LRRIQ3: variants seen among roughly 807,000 people sequenced by gnomAD.
LRRIQ3 encodes the protein leucine-rich repeat and IQ domain-containing protein 3.
LRRIQ3 carries 75 observed loss-of-function variants against 59.3 expected under a neutral mutation model. The observed-to-expected ratio is 1.26, with a 90% CI of 1.05 to 1.53. LRRIQ3 has a LOEUF of 1.53. LRRIQ3 is among the 40% of genes most tolerant of loss of function. LRRIQ3 has a pLI of 0.00. For synonymous variants in LRRIQ3, 250 were observed against 231.3 expected (o/e 1.08, Z -0.73); for missense variants, 831 against 710.0 (o/e 1.17, Z -1.94).
At chr1:74,122,403 C>T (rs977534151) in intron 4 of LRRIQ3, among the ~76,000 whole-genome samples, 2 of 151,960 alleles carry the variant, frequency 1.3e-5, no homozygotes, top group South Asian at 2.1e-4. Flanking sequence ...CTGTTCATAT[C>T]CTTCGCCCAC....
chr1:74,079,946 C>T (rs1431759035), intron 5 of LRRIQ3, among the ~76,000 whole-genome samples: 1 of 151,766 alleles, frequency 6.6e-6, no homozygotes, highest in Non-Finnish European at 1.5e-5. Flanking sequence ...TACTCCAAAG[C>T]TTCTCACTCA....
intron 3 of LRRIQ3, among the ~76,000 whole-genome samples, chr1:74,167,337 A>T (rs1649049671): frequency 6.6e-6 from 1 of 151,922 alleles, no homozygotes; most frequent in Non-Finnish European, 1.5e-5. Context: ...CCATTATTCT[A>T]AGTGAAGTAA....
intron 5 of LRRIQ3, among the ~76,000 whole-genome samples, chr1:74,098,032 C>A (rs1646472548): frequency 1.3e-5 from 2 of 152,142 alleles, no homozygotes; most frequent in African/African-American, 4.8e-5. Flanking sequence ...ATCATAATGA[C>A]AGGATCAAAT....
chr1:74,145,020 T>C lies in LRRIQ3; in HGVS notation c.707+10713A>G, dbSNP rs540402204. On this transcript the variant is annotated intron_variant, in intron 4 of 7. Coordinates refer to ENST00000354431, the MANE Select transcript of LRRIQ3 (RefSeq NM_001105659.2). ...AATCTTGCTTATTATGATAATATGATCTATGCATACAAAAATAGATTAATG... is the reference window on the plus strand; with the variant it reads ...AATCTTGCTTATTATGATAATATGACCTATGCATACAAAAATAGATTAATG... Among the ~76,000 whole-genome samples the C allele has an allele frequency of 3.3e-5, 5 of 152,196 alleles. No individual in the cohort carries two copies. In the East Asian group the frequency reaches 7.7e-4, roughly 23 times the overall value.
At chr1:74,192,901 C>A (rs563451134) in intron 1 of LRRIQ3, among the ~76,000 whole-genome samples, 1 of 152,226 alleles carries the variant, frequency 6.6e-6, no homozygotes, top group South Asian at 2.1e-4. Context: ...CCACATGCAG[C>A]ATTTCAATTT....
chr1:74,157,213 T>C (rs983996347), intron 3 of LRRIQ3, among the ~76,000 whole-genome samples: 1 of 152,144 alleles, frequency 6.6e-6, no homozygotes, highest in African/African-American at 2.4e-5. Context: ...TGCTTCTTTT[T>C]TCACAGAGAA....
chr1:74,155,157 G>T (rs1257137119), intron 4 of LRRIQ3, among the ~76,000 whole-genome samples: 4 of 152,084 alleles, frequency 2.6e-5, no homozygotes, highest in Non-Finnish European at 4.4e-5. Context: ...TTACCAATTA[G>T]AATAAGCTAT....
intron 3 of LRRIQ3, among the ~76,000 whole-genome samples, chr1:74,157,386 A>G (rs777203828): frequency 6.6e-6 from 1 of 152,082 alleles, no homozygotes; most frequent in African/African-American, 2.4e-5. Flanking sequence ...TGAGTCTCAT[A>G]TCTGTTTTCT....
Position 74,109,395 on chromosome 1 carries a change from T to A in LRRIQ3, c.866A>T (p.His289Leu). 6.6e-7 allele frequency: 1 copy of A among 1,505,228 alleles called. No homozygotes were observed. Among genetic ancestry groups the A allele is most frequent in the African/African-American group, 1.4e-5 (1 of 71,288 alleles). The allele number at this position is 1,505,228 out of a possible 1,614,324, so 93.2% of individuals were successfully genotyped here. The change falls in exon 5 of 8, where the codon CAT (histidine) becomes CTT (leucine). Residue 289 changes from histidine to leucine, a missense_variant and splice_region_variant. By Grantham distance (99) the His-to-Leu change is moderately conservative. Transcript: ENST00000354431. ...AAATAATAAACTAATTATACTTACA[T>A]GTTTCCAATATGCAAGCTTTCCTTT... ...NIKGKLAYWK[H>L]NIYYPVDLKN...
intron 1 of LRRIQ3, 79 bp from the exon 2 acceptor site, chr1:74,183,763 G>A (rs1650171695): frequency 2.4e-6 from 3 of 1,267,194 alleles, no homozygotes; most frequent in Non-Finnish European, 3.2e-6. Context: ...ATTTTGCCAA[G>A]AGATAGCGCA....
Position 74,155,779 on chromosome 1 carries a change from T to G in LRRIQ3, c.661A>C (p.Ile221Leu), listed in dbSNP as rs764338246. 1 of 1,584,248 alleles carries G rather than the reference T, an allele frequency of 6.3e-7. No homozygotes were observed. Among genetic ancestry groups the G allele is most frequent in the Non-Finnish European group, 8.6e-7 (1 of 1,169,180 alleles). ...AILAHNSPVL[I>L]VQRWIRGFLV... ...AAACCACGTATCCATCTTTGAACAA[T>G]CAAAACTGGTGAATTATGAGCCAGA... Residue 221 changes from isoleucine (I) to leucine (L), a missense_variant, in exon 4 of 8, where the codon ATT (isoleucine) becomes CTT (leucine). Transcript: ENST00000354431.
chr1:74,175,579 C>T (rs1354692270), intron 3 of LRRIQ3, among the ~76,000 whole-genome samples: 1 of 152,098 alleles, frequency 6.6e-6, no homozygotes, highest in Admixed American at 6.6e-5. Flanking sequence ...TAAAATTGTT[C>T]CTTTTATCCT....
intron 3 of LRRIQ3, chr1:74,181,135 G>A (rs567050551): frequency 3.1e-5 from 7 of 227,250 alleles, no homozygotes; most frequent in Admixed American, 1.0e-4. Flanking sequence ...TGTATAAAGC[G>A]CCTACCACAA....
intron 7 of LRRIQ3, among the ~76,000 whole-genome samples, chr1:74,031,807 A>C (rs2100360743): frequency 6.6e-6 from 1 of 152,192 alleles, no homozygotes; most frequent in African/African-American, 2.4e-5. Flanking sequence ...AATATGAAAT[A>C]ATCAATTATA....
At position 74,097,998 on chromosome 1, in the gene LRRIQ3, T is replaced by A. The variant is rs1646472261; in HGVS notation, c.867+11396A>T. On this transcript the variant is annotated intron_variant, in intron 5 of 7. Coordinates refer to ENST00000354431, the MANE Select transcript of LRRIQ3 (RefSeq NM_001105659.2). ...GATGCTAGGAAGAAACTGCATCAAC[T>A]AATGAGCAAAATAACCAGCTAACAT... is the stretch of plus-strand genomic sequence containing the variant. Among the ~76,000 whole-genome samples, 3 of 152,148 alleles carry A rather than the reference T, an allele frequency of 2.0e-5. No individual in the cohort carries two copies. The South Asian group carries it at 6.2e-4, about 32-fold the overall frequency.
At chr1:74,192,177 A>G (rs1650809554) in intron 1 of LRRIQ3, among the ~76,000 whole-genome samples, 1 of 152,092 alleles carries the variant, frequency 6.6e-6, no homozygotes, top group Non-Finnish European at 1.5e-5. Flanking sequence ...TTACCATGCA[A>G]TAATAAATCT....
intron 3 of LRRIQ3, among the ~76,000 whole-genome samples, chr1:74,175,683 T>C (rs1223166009): frequency 6.6e-6 from 1 of 152,194 alleles, no homozygotes; most frequent in African/African-American, 2.4e-5. Context: ...TATCCATGAA[T>C]AGTTACTAAA....
chr1:74,180,045 A>ATTTTTC (rs1179958570), intron 3 of LRRIQ3: 1 of 151,616 alleles, frequency 6.6e-6, no homozygotes, highest in Admixed American at 6.6e-5. Context: ...TTAAAGCTTT[A>ATTTTTC]TTTTTCTTCT....
chr1:74,160,515 A>T (rs1380135693), intron 3 of LRRIQ3, among the ~76,000 whole-genome samples: 1 of 151,954 alleles, frequency 6.6e-6, no homozygotes, highest in Non-Finnish European at 1.5e-5. Context: ...TTATTTCCTG[A>T]TTATTGCTTC....
Sources: allele counts gnomAD v4.1 joint callset (sites outside exome capture counted in the v4.1 genomes callset), GRCh38; gene constraint gnomAD v4.1.1; transcripts MANE v1.5; gene names NCBI Gene and HGNC (gene_info 2026-07-23, HGNC 2026-07-21).